The following NOL11 variants were observed in gnomAD, a reference collection of about 807,000 sequenced individuals.
NOL11 encodes nucleolar protein 11.
NOL11 carries 42 observed loss-of-function variants against 93.0 expected under a neutral mutation model. The observed-to-expected ratio is 0.45, with a 90% CI of 0.35 to 0.58. The LOEUF is 0.58. Ranked by LOEUF, NOL11 falls within the 20% of genes least tolerant of loss-of-function variation. NOL11 has a pLI of 0.00. For synonymous variants in NOL11, 296 were observed against 293.7 expected (o/e 1.01, Z -0.08); for missense variants, 775 against 841.8 (o/e 0.92, Z 0.98).
intron 4 of NOL11, among the ~76,000 whole-genome samples, chr17:67,722,063 G>A (rs1267470652): frequency 6.6e-6 from 1 of 152,144 alleles, no homozygotes; most frequent in African/African-American, 2.4e-5. Context: ...AGTGAAGACT[G>A]GTACTTACAA....
chr17:67,718,534 T>C (rs2043193312), intron 1 of NOL11, among the ~76,000 whole-genome samples: 1 of 152,012 alleles, frequency 6.6e-6, no homozygotes, highest in African/African-American at 2.4e-5. Context: ...GCGGGGACAA[T>C]TTTAGAGAGT....
chr17:67,739,402 G>C, intron 15 of NOL11, 114 bp from the exon 16 acceptor site: 1 of 618,030 alleles, frequency 1.6e-6, no homozygotes, highest in East Asian at 3.0e-5. Flanking sequence ...CCAGATGTCT[G>C]GCGTATTTGT....
Position 67,724,129 on chromosome 17 carries a change from A to T in NOL11, c.600A>T (p.Glu200Asp). The change falls in exon 6 of 18, where the codon GAA becomes GAT. Residue 200 changes from glutamate to aspartate, a missense_variant. Physicochemically the swap from Glu to Asp is conservative, Grantham distance 45 (BLOSUM62 2). Transcript: ENST00000253247. ...ATACACTCTTACTTGGACAAGACGA[A>T]AACTCTGTTATAAAGAGTTTTACTG... ...TKYTLLLGQD[E>D]NSVIKSFTAS... is the part of the protein sequence containing the mutation. 6.3e-7 allele frequency: 1 copy of T among 1,595,474 alleles called. No individual in the cohort carries two copies. The highest frequency in any genetic ancestry group is 8.5e-7 in the Non-Finnish European group (1 of 1,170,448).
At chr17:67,736,989 T>C (rs1468295454) in intron 10 of NOL11, 82 bp from the exon 11 acceptor site, 2 of 939,104 alleles carry the variant, frequency 2.1e-6, no homozygotes, top group Non-Finnish European at 3.4e-6. Flanking sequence ...TGCTAATCTC[T>C]TTGGAGTGTT....
chr17:67,728,117 G>A (rs573933422), intron 7 of NOL11, among the ~76,000 whole-genome samples: 19 of 151,866 alleles, frequency 1.3e-4, no homozygotes, highest in African/African-American at 3.1e-4. Context: ...AAAATTAGCC[G>A]GGTGTGGTGG....
intron 10 of NOL11, 39 bp downstream of exon 10, chr17:67,736,793 G>A (rs1183475558): frequency 7.3e-7 from 1 of 1,365,846 alleles, no homozygotes; most frequent in East Asian, 2.3e-5. Flanking sequence ...TAGTGCAAAT[G>A]TTGAAAAACA....
At chr17:67,724,368 C>G (rs184662644) in intron 6 of NOL11, among the ~76,000 whole-genome samples, 175 bp downstream of exon 6, 15 of 138,754 alleles carry the variant, frequency 1.1e-4, no homozygotes, top group African/African-American at 3.8e-4. Context: ...GAGTCTCGCT[C>G]TGTCGCCCAG....
intron 14 of NOL11, chr17:67,738,689 AAAAG>A: frequency 9.1e-6 from 4 of 438,772 alleles, no homozygotes; most frequent in South Asian, 4.4e-5. Context: ...AAAAAAAAAA[AAAAG>A]AAGAAGCTAT....
rs531869416 is a variant in NOL11, at chr17:67,741,385, T to A, written c.1935+1777T>A. On this transcript the variant is annotated intron_variant, in intron 16 of 17. Transcript: ENST00000253247. ...GTGCCCGGGCAAACTACAATTTTTT[T>A]ATTTTAATTTTTCTTGTAGAGACAG... Among the ~76,000 whole-genome samples the A allele has an allele frequency of 3.3e-5, 5 of 151,960 alleles. No individual in the cohort carries two copies. The East Asian group carries it at 9.7e-4, about 30-fold the overall frequency.
chr17:67,733,138 T>G (rs2055170021), intron 7 of NOL11, among the ~76,000 whole-genome samples: 1 of 150,406 alleles, frequency 6.6e-6, no homozygotes, highest in Non-Finnish European at 1.5e-5. Flanking sequence ...CCGAGGTGAG[T>G]GGATCACCTG....
At chr17:67,739,999 G>T (rs1051074264) in intron 16 of NOL11, among the ~76,000 whole-genome samples, 1 of 152,144 alleles carries the variant, frequency 6.6e-6, no homozygotes, top group Non-Finnish European at 1.5e-5. Context: ...ACTTTGGGAG[G>T]CCGAGGCGGG....
At position 67,724,159 on chromosome 17, in the gene NOL11, T is replaced by C. The variant is rs755268196; in HGVS notation, c.630T>C (p.Ser210=). The change falls in exon 6 of 18, where the codon TCT becomes TCC. Residue 210 remains serine (S), a synonymous_variant. Coordinates refer to ENST00000253247, the MANE Select transcript of NOL11 (RefSeq NM_015462.5). The stretch of plus-strand genomic sequence containing the variant: ...CTGTTATAAAGAGTTTTACTGCATC[T>C]GTAGATCGGAAATTCATCTCTTTGA... ...ENSVIKSFTA[S]VDRKFISLMS... is the part of the protein sequence containing the mutation. 2.7e-5 allele frequency: 42 copies of C among 1,579,492 alleles called. No individual in the cohort carries two copies. The African/African-American group carries it at 5.2e-4, about 20-fold the overall frequency.
At chr17:67,741,028 C>G (rs2055251595) in intron 16 of NOL11, among the ~76,000 whole-genome samples, 2 of 152,264 alleles carry the variant, frequency 1.3e-5, no homozygotes, top group Middle Eastern at 6.8e-3. Flanking sequence ...TCCCAAGTAG[C>G]TGGGACTGCT....
intron 1 of NOL11, 26 bp downstream of exon 1, chr17:67,718,114 C>T (rs772689269): frequency 6.2e-7 from 1 of 1,604,010 alleles, no homozygotes; most frequent in Non-Finnish European, 8.5e-7. Flanking sequence ...TTGGGAGCGC[C>T]CCGACTGCCT....
intron 13 of NOL11, 22 bp downstream of exon 13, chr17:67,737,994 C>A (rs763678658): frequency 6.3e-7 from 1 of 1,585,370 alleles, no homozygotes; most frequent in Admixed American, 2.0e-5. Flanking sequence ...TCCAATGGTC[C>A]TTTTTCTTCA....
rs1465511514 is a variant in NOL11, at chr17:67,744,012, G to A, written c.*153G>A. On this transcript the variant is annotated 3_prime_UTR_variant, in exon 18 of 18. Coordinates refer to ENST00000253247, the MANE Select transcript of NOL11 (RefSeq NM_015462.5). ...GGACCATCACTTAACTGATGCTCCG[G>A]GGTAGGACTGCAGGTTTCACATGAA... The A allele has an allele frequency of 4.6e-6, 2 of 430,316 alleles. No homozygotes were observed. Among genetic ancestry groups the A allele is most frequent in the Admixed American group, 4.3e-5 (1 of 23,152 alleles). 26.7% of individuals were successfully genotyped at this position (430,316 alleles called of 1,614,324 possible). A position where few individuals can be genotyped will look rare whatever the true frequency, so the allele number is the denominator to read the frequency against.
intron 13 of NOL11, 51 bp downstream of exon 13, chr17:67,738,023 AC>A (rs1169830004): frequency 8.9e-6 from 14 of 1,565,440 alleles, no homozygotes; most frequent in Non-Finnish European, 1.1e-5. Context: ...ATAATCTGTT[AC>A]ATTATTTGAT....
intron 13 of NOL11, 63 bp from the exon 14 acceptor site, chr17:67,738,059 A>G (rs1251705300): frequency 6.4e-7 from 1 of 1,552,834 alleles, no homozygotes; most frequent in African/African-American, 1.4e-5. Flanking sequence ...TGCTTAGGAA[A>G]TGAAATTTTT....
chr17:67,734,315 T>C (rs2055181411), intron 7 of NOL11, 48 bp from the exon 8 acceptor site: 1 of 1,043,372 alleles, frequency 9.6e-7, no homozygotes, highest in African/African-American at 1.6e-5. Context: ...CAAAATATCA[T>C]ATATTTATAC....
Sources: allele counts gnomAD v4.1 joint callset (sites outside exome capture counted in the v4.1 genomes callset), GRCh38; gene constraint gnomAD v4.1.1; transcripts MANE v1.5; gene names NCBI Gene and HGNC (gene_info 2026-07-23, HGNC 2026-07-21).